The following SGK1 variants were observed in gnomAD, a reference collection of about 807,000 sequenced individuals.
SGK1 encodes serum/glucocorticoid regulated kinase 1, also known as serine/threonine-protein kinase Sgk1.
A neutral mutation model predicts 64.2 loss-of-function variants in SGK1; 26 were observed. That is an observed-to-expected ratio of 0.40 (90% CI 0.30 to 0.56). SGK1 has a LOEUF of 0.56. Among genes scored for constraint, SGK1 ranks in the 20% least tolerant of loss-of-function variants. The probability of loss-of-function intolerance (pLI) is 0.38; values close to 1 mark genes in which losing one functional copy is unlikely to be tolerated. For synonymous variants in SGK1, 265 were observed against 239.7 expected, an observed-to-expected ratio of 1.11 and a Z score of -0.98; for missense variants, 519 against 645.6, an observed-to-expected ratio of 0.80 and a Z score of 2.12.
intron 3 of SGK1, chr6:134,175,964 C>T: frequency 4.4e-6 from 5 of 1,148,748 alleles, no homozygotes; most frequent in Non-Finnish European, 5.3e-6. Flanking sequence ...AAAGTCGTCT[C>T]TGCACTAAAG....
intron 1 of SGK1, among the ~76,000 whole-genome samples, chr6:134,310,905 G>C (rs1201790356): frequency 6.6e-6 from 1 of 152,194 alleles, no homozygotes; most frequent in Non-Finnish European, 1.5e-5. Flanking sequence ...TATTACTGAA[G>C]TTAGTAATTC....
At chr6:134,210,811 CAA>C (rs60820086) in intron 2 of SGK1, among the ~76,000 whole-genome samples, 22 of 50,798 alleles carry the variant, frequency 4.3e-4, no homozygotes, top group Admixed American at 1.2e-3. Flanking sequence ...GACTCCGTCT[CAA>C]AAAAAAAAAA....
intron 2 of SGK1, among the ~76,000 whole-genome samples, chr6:134,218,491 T>C (rs9483664): frequency 0.082 from 12,040 of 147,236 alleles, 719 homozygotes; most frequent in African/African-American, 0.17. Flanking sequence ...TGGAGTGCAG[T>C]GGTGATCTTG....
intron 3 of SGK1, among the ~76,000 whole-genome samples, chr6:134,185,862 G>A (rs929241704): frequency 6.6e-5 from 10 of 152,170 alleles, no homozygotes; most frequent in Admixed American, 3.9e-4. Context: ...CCTGATGTCC[G>A]AAGGCCGGAG....
At chr6:134,223,856 G>T (rs1000707038) in intron 2 of SGK1, among the ~76,000 whole-genome samples, 2 of 152,168 alleles carry the variant, frequency 1.3e-5, no homozygotes, top group African/African-American at 2.4e-5. Flanking sequence ...TCATGCAGTA[G>T]GCTAACTGTA....
intron 2 of SGK1, among the ~76,000 whole-genome samples, chr6:134,259,552 G>T (rs748746273): frequency 2.6e-5 from 4 of 152,100 alleles, no homozygotes; most frequent in Non-Finnish European, 2.9e-5. Flanking sequence ...GCTGAGGCAG[G>T]AGAATTGCTT....
At chr6:134,302,801 C>A (rs931247520) in intron 1 of SGK1, among the ~76,000 whole-genome samples, 4 of 151,976 alleles carry the variant, frequency 2.6e-5, no homozygotes, top group Admixed American at 1.3e-4. Context: ...GTCGCCCAGG[C>A]TGGAGTGTAG....
At chr6:134,178,783 C>T (rs2114650897) in intron 3 of SGK1, among the ~76,000 whole-genome samples, 1 of 152,224 alleles carries the variant, frequency 6.6e-6, no homozygotes, top group South Asian at 2.1e-4. Context: ...AAAATATAGA[C>T]GGCTTGATAG....
chr6:134,186,490 A>G (rs1339898323), intron 3 of SGK1, among the ~76,000 whole-genome samples: 1 of 152,230 alleles, frequency 6.6e-6, no homozygotes, highest in Non-Finnish European at 1.5e-5. Context: ...GACGCACAAC[A>G]TATTCTTAAC....
At position 134,270,370 on chromosome 6, in the gene SGK1, GA is replaced by G. The variant is rs201199556; in HGVS notation, c.70-8223del. ...ATGAGAATAGCTTCTTAGGCCTTAG[GA>G]AAAAAAAAAATTCCAGAGGCTAGTG... On this transcript the variant is annotated intron_variant, in intron 1 of 13. Transcript: ENST00000367858. Among the ~76,000 whole-genome samples the G allele has an allele frequency of 7.0e-4, 97 of 139,184 alleles. 1 individual carries two copies. The highest frequency in any genetic ancestry group is 2.0e-3 in the African/African-American group (78 of 39,240). The allele number at this position is 139,184 out of a possible 152,430, so 91.3% of individuals were successfully genotyped here.
chr6:134,183,071 C>A (rs1004617370), intron 3 of SGK1, among the ~76,000 whole-genome samples: 1 of 152,156 alleles, frequency 6.6e-6, no homozygotes, highest in Non-Finnish European at 1.5e-5. Context: ...ATAAGCTTAT[C>A]CTGCAGGAAT....
intron 1 of SGK1, among the ~76,000 whole-genome samples, chr6:134,265,455 C>T (rs1490657598): frequency 6.6e-6 from 1 of 150,402 alleles, no homozygotes; most frequent in Non-Finnish European, 1.5e-5. Context: ...AGTGAAAACT[C>T]TGTCTCAAAA....
rs151325856 is a variant in SGK1, at chr6:134,312,489, T to A, written c.69+4903A>T. 3.2e-3 allele frequency among the ~76,000 whole-genome samples: 488 copies of A among 152,274 alleles called. 5 individuals carry two copies. Among genetic ancestry groups the A allele is most frequent in the African/African-American group, 0.011 (461 of 41,552 alleles). Reference sequence around the variant, plus strand: ...AAACATTGTAACCAGACTAAAAACCTTTCCTTTGTTCCTGCAGTTATTAGA... The same window carrying A: ...AAACATTGTAACCAGACTAAAAACCATTCCTTTGTTCCTGCAGTTATTAGA... On this transcript the variant is annotated intron_variant, in intron 1 of 13. Coordinates refer to ENST00000367858, the MANE Select transcript of SGK1 (RefSeq NM_001143676.3).
chr6:134,215,411 T>G (rs1036647284), intron 2 of SGK1, among the ~76,000 whole-genome samples: 9 of 151,512 alleles, frequency 5.9e-5, no homozygotes, highest in African/African-American at 2.2e-4. Context: ...CCACGGCGCC[T>G]GGCCGAGAGT....
At chr6:134,267,370 T>C (rs1459801131) in intron 1 of SGK1, among the ~76,000 whole-genome samples, 1 of 152,154 alleles carries the variant, frequency 6.6e-6, no homozygotes, top group Non-Finnish European at 1.5e-5. Context: ...CGATCATAGC[T>C]CACTTCAACC....
chr6:134,286,925 G>A (rs1777192374), intron 1 of SGK1, among the ~76,000 whole-genome samples: 1 of 152,194 alleles, frequency 6.6e-6, no homozygotes, highest in South Asian at 2.1e-4. Flanking sequence ...GGTAAAGAGA[G>A]GTTGGGGGCA....
At chr6:134,212,348 C>T (rs1462853772) in intron 2 of SGK1, among the ~76,000 whole-genome samples, 1 of 152,100 alleles carries the variant, frequency 6.6e-6, no homozygotes, top group African/African-American at 2.4e-5. Context: ...CCACCGCGCC[C>T]GGTGATTCCT....
intron 1 of SGK1, chr6:134,297,069 G>T (rs1256368410): frequency 8.4e-6 from 4 of 476,478 alleles, no homozygotes; most frequent in Non-Finnish European, 1.2e-5. Flanking sequence ...CACAACCACA[G>T]CCCTGGTGGA....
chr6:134,186,812 G>GT lies in SGK1; in HGVS notation c.362-12227dup, dbSNP rs1159964703. ...CTGTATTTCAGACATACACTTCTGG[G>GT]TTTTTTTTTTGGTTTTTTTTTTGAG... On this transcript the variant is annotated intron_variant, in intron 3 of 13. Coordinates refer to ENST00000367858, the MANE Select transcript of SGK1 (RefSeq NM_001143676.3). Among the ~76,000 whole-genome samples, 136 of 146,252 alleles carry GT rather than the reference G, an allele frequency of 9.3e-4. 1 individual carries two copies. The highest frequency in any genetic ancestry group is 3.2e-3 in the Admixed American group (47 of 14,594).
Sources: gnomAD v4.1 joint callset for allele counts (sites outside exome capture counted in the v4.1 genomes callset) on GRCh38, gnomAD v4.1.1 for gene constraint, MANE v1.5 for transcripts, NCBI Gene and HGNC (gene_info 2026-07-23, HGNC 2026-07-21) for gene names.